Variants in ADCY2 observed in about 807,000 individuals in gnomAD.
ADCY2 encodes adenylate cyclase 2, also known as adenylate cyclase type 2.
A neutral mutation model predicts 125.2 loss-of-function variants in ADCY2; 31 were observed. That is an observed-to-expected ratio of 0.25 (90% CI 0.19 to 0.33). The LOEUF is 0.33. ADCY2 is among the 10% of genes least tolerant of loss of function. The pLI is 1.00. For synonymous variants in ADCY2, 512 were observed against 548.4 expected (o/e 0.93, Z 0.93); for missense variants, 904 against 1,418.2 (o/e 0.64, Z 5.82).
rs1376568898 is a variant in ADCY2 at position 7,730,459 on chromosome 5, T to C, written c.1871+3198T>C. 2.0e-5 allele frequency among the ~76,000 whole-genome samples: 3 copies of C among 152,220 alleles called. No individual in the cohort carries two copies. In the East Asian group the frequency reaches 5.8e-4, roughly 29 times the overall value. ...ATGTTTATTTAAATCTGCCACATTC[T>C]TTACCAATTAATTTGCTCATCAATG... On this transcript the variant is annotated intron_variant, in intron 14 of 24. Transcript: ENST00000338316.
chr5:7,565,160 G>GA lies in ADCY2; in HGVS notation c.570+44265dup, dbSNP rs1385735691. Reference sequence around the variant, plus strand: ...CCCAGCTCACATGCTGGACTAGAAGGAAAAGTTTCTCCTTTCTCCTTGCTG... The same window carrying GA: ...CCCAGCTCACATGCTGGACTAGAAGGAAAAAGTTTCTCCTTTCTCCTTGCTG... On this transcript the variant is annotated intron_variant, in intron 3 of 24. Coordinates refer to ENST00000338316, the MANE Select transcript of ADCY2 (RefSeq NM_020546.3). Among the ~76,000 whole-genome samples the GA allele has an allele frequency of 2.0e-5, 3 of 152,222 alleles. No homozygotes were observed. The East Asian group carries it at 5.8e-4, about 29-fold the overall frequency.
At chr5:7,687,482 T>C (rs958546395) in intron 4 of ADCY2, among the ~76,000 whole-genome samples, 1 of 152,174 alleles carries the variant, frequency 6.6e-6, no homozygotes, top group African/African-American at 2.4e-5. Context: ...GAAGTGGTTC[T>C]CTTTAGCAGG....
chr5:7,693,330 A>G (rs572995582), intron 5 of ADCY2, among the ~76,000 whole-genome samples: 3 of 149,408 alleles, frequency 2.0e-5, no homozygotes, highest in Admixed American at 6.7e-5. Flanking sequence ...TTCTCCCTCT[A>G]TGGTCCCATA....
intron 2 of ADCY2, among the ~76,000 whole-genome samples, chr5:7,447,496 G>A (rs903906581): frequency 6.6e-6 from 1 of 152,150 alleles, no homozygotes; most frequent in Non-Finnish European, 1.5e-5. Flanking sequence ...GCTGGTACAG[G>A]GTGGCTTCCA....
chr5:7,445,582 T>C (rs1460138432), intron 2 of ADCY2, among the ~76,000 whole-genome samples: 1 of 152,216 alleles, frequency 6.6e-6, no homozygotes, highest in African/African-American at 2.4e-5. Context: ...AGAGAAGTGG[T>C]GACTTTGTGA....
intron 2 of ADCY2, among the ~76,000 whole-genome samples, chr5:7,449,393 A>G (rs1269446571): frequency 6.6e-6 from 1 of 152,164 alleles, no homozygotes; most frequent in Non-Finnish European, 1.5e-5. Flanking sequence ...TGTATTCTGT[A>G]CTATTTTTGA....
chr5:7,538,815 A>G (rs994961005), intron 3 of ADCY2, among the ~76,000 whole-genome samples: 1 of 151,400 alleles, frequency 6.6e-6, no homozygotes, highest in Non-Finnish European at 1.5e-5. Context: ...TTTCAACACA[A>G]ATTTTTTGAA....
chr5:7,759,091 AG>A (rs1743109132), intron 16 of ADCY2, among the ~76,000 whole-genome samples: 1 of 152,134 alleles, frequency 6.6e-6, no homozygotes, highest in Non-Finnish European at 1.5e-5. Context: ...AATTGATCTT[AG>A]TGACACCTGC....
At chr5:7,420,020 A>C (rs933588822) in intron 2 of ADCY2, among the ~76,000 whole-genome samples, 21 of 152,200 alleles carry the variant, frequency 1.4e-4, no homozygotes, top group Non-Finnish European at 2.8e-4. Context: ...GCTGGCTCTC[A>C]GCCAGGAGAC....
intron 4 of ADCY2, among the ~76,000 whole-genome samples, chr5:7,688,657 T>A (rs1034026310): frequency 1.3e-5 from 2 of 152,120 alleles, no homozygotes; most frequent in Admixed American, 1.3e-4. Context: ...ATTACATACT[T>A]TGTATGTAAT....
chr5:7,616,311 C>G (rs1161062313), intron 3 of ADCY2, among the ~76,000 whole-genome samples: 2 of 152,154 alleles, frequency 1.3e-5, no homozygotes, highest in Non-Finnish European at 2.9e-5. Flanking sequence ...ATATAGAAAA[C>G]TAATGATGAT....
chr5:7,596,254 C>A (rs1475498290), intron 3 of ADCY2, among the ~76,000 whole-genome samples: 1 of 125,808 alleles, frequency 7.9e-6, no homozygotes, highest in Non-Finnish European at 1.7e-5. Context: ...TTGATGATAC[C>A]CAAATGCCCG....
At chr5:7,582,911 A>G (rs1243850904) in intron 3 of ADCY2, among the ~76,000 whole-genome samples, 3 of 152,108 alleles carry the variant, frequency 2.0e-5, no homozygotes, top group Non-Finnish European at 4.4e-5. Context: ...AACAAGTAAA[A>G]CTGTCTTTTT....
intron 3 of ADCY2, among the ~76,000 whole-genome samples, chr5:7,565,388 T>A (rs1227582952): frequency 2.0e-5 from 3 of 152,214 alleles, no homozygotes; most frequent in Non-Finnish European, 4.4e-5. Flanking sequence ...CTTTCTTATA[T>A]GCTGAAATAA....
At chr5:7,448,749 G>A (rs750989451) in intron 2 of ADCY2, among the ~76,000 whole-genome samples, 19 of 152,160 alleles carry the variant, frequency 1.2e-4, no homozygotes, top group Non-Finnish European at 2.6e-4. Context: ...TTCTGTTCCC[G>A]AGTTTGCTGA....
chr5:7,674,849 G>A (rs73035912), intron 4 of ADCY2, among the ~76,000 whole-genome samples: 9,137 of 152,200 alleles, frequency 0.06, 606 homozygotes, highest in African/African-American at 0.16. Context: ...TTCCTTTGTT[G>A]CATTTTAGAA....
chr5:7,724,114 C>CAA (rs1272949604), intron 12 of ADCY2, among the ~76,000 whole-genome samples: 25,172 of 76,656 alleles, frequency 0.33, 5,601 homozygotes, highest in East Asian at 0.8. Flanking sequence ...TAGAAGCTAA[C>CAA]AAAAAAAAAA....
At chr5:7,665,682 G>A (rs911601176) in intron 4 of ADCY2, among the ~76,000 whole-genome samples, 5 of 151,896 alleles carry the variant, frequency 3.3e-5, no homozygotes, top group Non-Finnish European at 5.9e-5. Context: ...TTAGGTCATC[G>A]CTGGAGAGAC....
At chr5:7,758,326 T>C (rs1743084466) in intron 16 of ADCY2, among the ~76,000 whole-genome samples, 1 of 152,106 alleles carries the variant, frequency 6.6e-6, no homozygotes, top group Non-Finnish European at 1.5e-5. Flanking sequence ...GACACTTGGC[T>C]CATCAGGGTG....
Sources: gnomAD v4.1 joint callset for allele counts (sites outside exome capture counted in the v4.1 genomes callset) on GRCh38, gnomAD v4.1.1 for gene constraint, MANE v1.5 for transcripts, NCBI Gene and HGNC (gene_info 2026-07-23, HGNC 2026-07-21) for gene names.